The following DLEU7 variants were observed in gnomAD, a reference collection of about 807,000 sequenced individuals.
DLEU7 encodes the protein leukemia-associated protein 7.
A neutral mutation model predicts 16.0 loss-of-function variants in DLEU7; 17 were observed. The ratio of observed to expected loss-of-function variants is 1.06; its 90% CI spans 0.73 to 1.59. The LOEUF (loss-of-function observed/expected upper bound fraction) is 1.59. Among genes scored for constraint, DLEU7 ranks in the 40% most tolerant of loss-of-function variants. The probability of loss-of-function intolerance (pLI) is 0.00; values close to 1 mark genes in which losing one functional copy is unlikely to be tolerated. For synonymous variants in DLEU7, 113 were observed against 139.8 expected, an observed-to-expected ratio of 0.81 and a Z score of 1.35; for missense variants, 308 against 314.9, an observed-to-expected ratio of 0.98 and a Z score of 0.17.
At chr13:50,714,239 G>C (rs1873374977) in intron 1 of DLEU7, among the ~76,000 whole-genome samples, 1 of 152,194 alleles carries the variant, frequency 6.6e-6, no homozygotes. Context: ...AGGGCTAGAA[G>C]CGTTGTTTCA....
intron 1 of DLEU7, among the ~76,000 whole-genome samples, chr13:50,727,619 C>A (rs575899273): frequency 2.6e-5 from 4 of 152,254 alleles, no homozygotes; most frequent in Admixed American, 2.0e-4. Context: ...AAGGCCTGGG[C>A]TCCCTGTGAT....
At chr13:50,841,395 A>AT (rs1044144097) in intron 1 of DLEU7, among the ~76,000 whole-genome samples, 98 of 149,522 alleles carry the variant, frequency 6.6e-4, no homozygotes, top group Admixed American at 4.1e-3. Context: ...AATAACATGT[A>AT]TTTTTTTTTT....
intron 1 of DLEU7, among the ~76,000 whole-genome samples, chr13:50,785,966 T>C (rs1875784572): frequency 1.3e-5 from 2 of 152,176 alleles, no homozygotes; most frequent in Admixed American, 1.3e-4. Flanking sequence ...TACTCATAAT[T>C]GCTTGAACAG....
At chr13:50,756,809 C>T (rs1460062225) in intron 1 of DLEU7, among the ~76,000 whole-genome samples, 2 of 152,154 alleles carry the variant, frequency 1.3e-5, no homozygotes, top group African/African-American at 4.8e-5. Context: ...TCCCCCATAC[C>T]TCTGGCTGCC....
chr13:50,742,492 C>A (rs1409905124), intron 1 of DLEU7, among the ~76,000 whole-genome samples: 1 of 149,312 alleles, frequency 6.7e-6, no homozygotes, highest in Non-Finnish European at 1.5e-5. Flanking sequence ...TAGGGAACAC[C>A]ACTTTAAGGC....
chr13:50,763,546 T>C (rs569373333), intron 1 of DLEU7, among the ~76,000 whole-genome samples: 13 of 152,306 alleles, frequency 8.5e-5, no homozygotes, highest in African/African-American at 3.1e-4. Flanking sequence ...AGTCAGGAGT[T>C]AGGGAGATCA....
At chr13:50,826,110 T>G (rs1877075669) in intron 1 of DLEU7, among the ~76,000 whole-genome samples, 1 of 146,418 alleles carries the variant, frequency 6.8e-6, no homozygotes, top group Admixed American at 7.0e-5. Flanking sequence ...GCACACAACC[T>G]AGATCCTTCT....
intron 1 of DLEU7, among the ~76,000 whole-genome samples, chr13:50,736,504 AAAAGTT>A (rs1874074582): frequency 6.6e-6 from 1 of 152,160 alleles, no homozygotes; most frequent in Non-Finnish European, 1.5e-5. Context: ...AACCTAAAAT[AAAAGTT>A]AAAGAAAAGA....
intron 1 of DLEU7, among the ~76,000 whole-genome samples, chr13:50,745,047 C>A (rs1874355576): frequency 6.6e-6 from 1 of 152,116 alleles, no homozygotes; most frequent in Non-Finnish European, 1.5e-5. Context: ...TGCCATATGA[C>A]CCAGTAATTT....
intron 1 of DLEU7, among the ~76,000 whole-genome samples, chr13:50,783,779 A>C (rs1448925320): frequency 6.6e-6 from 1 of 151,930 alleles, no homozygotes; most frequent in Non-Finnish European, 1.5e-5. Flanking sequence ...GTCCTCTGAA[A>C]TTTACTCCAG....
At chr13:50,774,529 T>C (rs983575703) in intron 1 of DLEU7, among the ~76,000 whole-genome samples, 1 of 152,254 alleles carries the variant, frequency 6.6e-6, no homozygotes, top group Non-Finnish European at 1.5e-5. Flanking sequence ...TTTTAAGATT[T>C]ATTCTTTGGT....
chr13:50,716,175 T>C (rs1318437444), intron 1 of DLEU7, among the ~76,000 whole-genome samples: 2 of 152,220 alleles, frequency 1.3e-5, no homozygotes, highest in African/African-American at 4.8e-5. Flanking sequence ...TCCTGCTTGG[T>C]CTTTTTTGTT....
intron 1 of DLEU7, among the ~76,000 whole-genome samples, chr13:50,790,485 CTGCTTTTT>C (rs1389355769): frequency 5.3e-5 from 8 of 151,552 alleles, no homozygotes; most frequent in African/African-American, 7.3e-5. Context: ...GAGACCCCCG[CTGCTTTTT>C]CATGTTATCT....
At chr13:50,800,167 G>A (rs762898080) in intron 1 of DLEU7, among the ~76,000 whole-genome samples, 1 of 152,148 alleles carries the variant, frequency 6.6e-6, no homozygotes, top group Non-Finnish European at 1.5e-5. Flanking sequence ...CAAATAGAAA[G>A]TAGTGTAAGA....
chr13:50,833,359 A>G (rs1227181789), intron 1 of DLEU7, among the ~76,000 whole-genome samples: 2 of 151,746 alleles, frequency 1.3e-5, no homozygotes, highest in South Asian at 2.1e-4. Flanking sequence ...GTCTCAGGAT[A>G]CAAAATCAAT....
rs1875683886 is a variant in DLEU7, at chr13:50,782,538, C to T, written c.459+60650G>A. Among the ~76,000 whole-genome samples the T allele has an allele frequency of 2.6e-5, 4 of 152,286 alleles. No homozygotes were observed. The South Asian group carries it at 6.2e-4, about 24-fold the overall frequency. On this transcript the variant is annotated intron_variant, in intron 1 of 1. Transcript: ENST00000400393. ...TTGATCTCTGCAATTTTATCTCCAA[C>T]CATTTTATCCTTTCTGCCTTCCCTT...
At position 50,755,259 on chromosome 13, in the gene DLEU7, T is replaced by C. The variant is rs139080777; in HGVS notation, c.460-42019A>G. Among the ~76,000 whole-genome samples the C allele has an allele frequency of 3.6e-3, 551 of 152,328 alleles. 5 individuals carry two copies. Among genetic ancestry groups the C allele is most frequent in the African/African-American group, 0.013 (531 of 41,574 alleles). On this transcript the variant is annotated intron_variant, in intron 1 of 1. Transcript: ENST00000400393. ...GTCTCTAGCAAGGCTGGGAAAGTTT[T>C]ACTCTATTATTCCCCCAAATATGTT...
intron 1 of DLEU7, among the ~76,000 whole-genome samples, chr13:50,732,606 C>CAAAAAAAAAAAACAAAAAAAAAA (rs1873943766): frequency 1.5e-5 from 1 of 65,950 alleles, no homozygotes; most frequent in Non-Finnish European, 2.6e-5. Context: ...GACTCCATCT[C>CAAAAAAAAAAAACAAAAAAAAAA]AAAAAAAAAA....
At chr13:50,816,684 GAA>G (rs35022820) in intron 1 of DLEU7, among the ~76,000 whole-genome samples, 2,696 of 152,156 alleles carry the variant, frequency 0.018, 37 homozygotes, top group East Asian at 0.036. Context: ...CAGACGTTAT[GAA>G]AAGTGTCATT....
Sources: gnomAD v4.1 joint callset for allele counts (sites outside exome capture counted in the v4.1 genomes callset) on GRCh38, gnomAD v4.1.1 for gene constraint, MANE v1.5 for transcripts, NCBI Gene and HGNC (gene_info 2026-07-23, HGNC 2026-07-21) for gene names.